NRROS: variants seen among roughly 807,000 people sequenced by gnomAD.
NRROS encodes the protein negative regulator of reactive oxygen species.
In NRROS, 6 loss-of-function variants were observed where a neutral mutation model predicts 12.0. That is an observed-to-expected ratio of 0.50 (90% CI 0.27 to 0.98). The LOEUF (loss-of-function observed/expected upper bound fraction) is 0.98. Among genes scored for constraint, NRROS ranks in the 50% least tolerant of loss-of-function variants. NRROS has a pLI of 0.11. For missense variants in NRROS, 857 were observed against 888.2 expected (o/e 0.96, Z 0.45); for synonymous variants, 462 against 410.2 (o/e 1.13, Z -1.53).
chr3:196,645,799 C>T (rs995903949), intron 1 of NRROS, among the ~76,000 whole-genome samples: 1 of 152,212 alleles, frequency 6.6e-6, no homozygotes, highest in Non-Finnish European at 1.5e-5. Flanking sequence ...CTACCGTGGA[C>T]CCTGGGTGCT....
intron 1 of NRROS, among the ~76,000 whole-genome samples, chr3:196,645,399 C>G (rs1395811157): frequency 6.6e-6 from 1 of 152,170 alleles, no homozygotes; most frequent in African/African-American, 2.4e-5. Context: ...AATTGTGGCT[C>G]TAACATTCTC....
Position 196,654,454 on chromosome 3 carries a change from T to C in NRROS, c.-13-73T>C. The stretch of plus-strand genomic sequence containing the variant: ...ACCACATAGAATTGGAACTGGCTCC[T>C]TCTGCCGATAATACAAACAGCCCTC... On this transcript the variant is annotated intron_variant, in intron 1 of 2. Coordinates refer to ENST00000328557, the MANE Select transcript of NRROS (RefSeq NM_198565.3). The surrounding 1 kb of genome is among the most constrained non-coding windows in gnomAD (Gnocchi z 4.4). 1 of 895,724 alleles carries C rather than the reference T, an allele frequency of 1.1e-6. No homozygotes were observed. The highest frequency in any genetic ancestry group is 2.4e-5 in the East Asian group (1 of 41,728). The allele number at this position is 895,724 out of a possible 1,614,324, so 55.5% of individuals were successfully genotyped here.
chr3:196,654,624 G>C lies in NRROS; in HGVS notation c.85G>C (p.Ala29Pro), dbSNP rs1316523953. Residue 29 changes from alanine (A) to proline (P), a missense_variant, in exon 2 of 3, where the codon GCC (alanine) becomes CCC (proline). Transcript: ENST00000328557. This position sits in a 1 kb window ranked among gnomAD's most constrained non-coding sequence, Gnocchi z 4.4. The part of the protein sequence containing the change: ...WRNRSGTATA[A>P]SQGVCKLVGG... ...GAACAGAAGCGGAACAGCCACAGCA[G>C]CCTCCCAAGGAGTCTGCAAGTTGGT... The C allele has an allele frequency of 6.2e-6, 10 of 1,613,250 alleles. No individual in the cohort carries two copies. Among genetic ancestry groups the C allele is most frequent in the Non-Finnish European group, 8.5e-6 (10 of 1,179,236 alleles).
In NRROS at chr3:196,654,228, G is replaced by A. The variant is rs1199155969; in HGVS notation, c.-13-299G>A. On this transcript the variant is annotated intron_variant, in intron 1 of 2. Coordinates refer to ENST00000328557, the MANE Select transcript of NRROS (RefSeq NM_198565.3). This position sits in a 1 kb window ranked among gnomAD's most constrained non-coding sequence, Gnocchi z 4.4. Reference sequence around the variant, plus strand: ...GAAACTCCAGGTGACTGGAGGCCTGGTTACTCAAGCTTTTTGCTTCTCCCT... The same window carrying A: ...GAAACTCCAGGTGACTGGAGGCCTGATTACTCAAGCTTTTTGCTTCTCCCT... Among the ~76,000 whole-genome samples the A allele has an allele frequency of 6.6e-6, 1 of 152,204 alleles. No homozygotes were observed. The highest frequency in any genetic ancestry group is 2.4e-5 in the African/African-American group (1 of 41,458).
At chr3:196,655,603 G>A (rs768266743) in intron 2 of NRROS, among the ~76,000 whole-genome samples, 16 of 152,254 alleles carry the variant, frequency 1.1e-4, no homozygotes, top group South Asian at 4.2e-4. Flanking sequence ...GAGAATCTCC[G>A]GGTGAGGTGC....
At chr3:196,644,434 A>T (rs1737267390) in intron 1 of NRROS, among the ~76,000 whole-genome samples, 1 of 151,840 alleles carries the variant, frequency 6.6e-6, no homozygotes, top group Non-Finnish European at 1.5e-5. Flanking sequence ...CTTGATATGC[A>T]TTCTGAAATA....
chr3:196,650,631 G>A (rs1436994478), intron 1 of NRROS, among the ~76,000 whole-genome samples: 5 of 152,214 alleles, frequency 3.3e-5, no homozygotes, highest in Admixed American at 6.5e-5. Context: ...GCGGCTGTAC[G>A]TTCTTCTTCC....
Position 196,660,366 on chromosome 3 carries a change from C to A in NRROS, c.723C>A (p.Phe241Leu). The change falls in exon 3 of 3, where the codon TTC becomes TTA. Residue 241 changes from phenylalanine to leucine, a missense_variant. Transcript: ENST00000328557. The surrounding 1 kb of genome is among the most constrained non-coding windows in gnomAD (Gnocchi z 7.7). ...LNVSYNVLEW[F>L]LATGGEAAFE... The stretch of plus-strand genomic sequence containing the variant: ...TCAGCTACAACGTCCTGGAGTGGTT[C>A]CTCGCGACCGGGGGAGAGGCTGCCT... 6.2e-7 allele frequency: 1 copy of A among 1,614,064 alleles called. No homozygotes were observed. The highest frequency in any genetic ancestry group is 1.1e-5 in the South Asian group (1 of 91,086).
intron 2 of NRROS, among the ~76,000 whole-genome samples, chr3:196,657,295 G>C (rs987324475): frequency 1.3e-5 from 2 of 152,056 alleles, no homozygotes; most frequent in African/African-American, 4.8e-5. Flanking sequence ...GGGCCACAGG[G>C]AATTGCAGAG....
rs751042850 is a variant in NRROS, at chr3:196,642,902, A to G, written c.-14+3027A>G. Among the ~76,000 whole-genome samples, 99 of 151,986 alleles carry G rather than the reference A, an allele frequency of 6.5e-4. 1 individual carries two copies. Among genetic ancestry groups the G allele is most frequent in the Non-Finnish European group, 1.1e-3 (75 of 67,944 alleles). On this transcript the variant is annotated intron_variant, in intron 1 of 2. Transcript: ENST00000328557. Reference sequence around the variant, plus strand: ...CTGGCCAAAATGGTGAAACCCCGTCACTACTAAAAATACAAAAATTAGCTG... The same window carrying G: ...CTGGCCAAAATGGTGAAACCCCGTCGCTACTAAAAATACAAAAATTAGCTG...
intron 1 of NRROS, among the ~76,000 whole-genome samples, chr3:196,642,799 C>T (rs896989933): frequency 1.3e-5 from 2 of 152,106 alleles, no homozygotes; most frequent in Non-Finnish European, 1.5e-5. Context: ...CGGCCGGGCG[C>T]GGTGGCTCAT....
intron 2 of NRROS, among the ~76,000 whole-genome samples, chr3:196,657,576 G>A (rs1737565776): frequency 6.6e-6 from 1 of 152,014 alleles, no homozygotes; most frequent in Non-Finnish European, 1.5e-5. Flanking sequence ...GTGTGGTGGT[G>A]TGAGTCTGTA....
At position 196,654,764 on chromosome 3, in the gene NRROS, ACT is replaced by A; in HGVS notation, c.108+120_108+121del. ...GGCAGAGAATGAAGGAGCCTGCATC[ACT>A]CTGTGCCTGCCTAGCACAGGGGCAT... On this transcript the variant is annotated intron_variant, in intron 2 of 2. Transcript: ENST00000328557. This position sits in a 1 kb window ranked among gnomAD's most constrained non-coding sequence, Gnocchi z 4.4. The A allele has an allele frequency of 1.5e-6, 1 of 651,958 alleles. No homozygotes were observed. The highest frequency in any genetic ancestry group is 2.7e-6 in the Non-Finnish European group (1 of 374,194). The allele number at this position is 651,958 out of a possible 1,614,324, so 40.4% of individuals were successfully genotyped here. A position where few individuals can be genotyped will look rare whatever the true frequency, so the allele number is the denominator to read the frequency against.
At position 196,654,477 on chromosome 3, in the gene NRROS, C is replaced by G; in HGVS notation, c.-13-50C>G. The G allele has an allele frequency of 1.8e-6, 2 of 1,083,944 alleles. No individual in the cohort carries two copies. Among genetic ancestry groups the G allele is most frequent in the South Asian group, 2.5e-5 (2 of 80,358 alleles). 67.1% of individuals were successfully genotyped at this position (1,083,944 alleles called of 1,614,324 possible). A position where few individuals can be genotyped will look rare whatever the true frequency, so the allele number is the denominator to read the frequency against. Reference sequence around the variant, plus strand: ...CCTTCTGCCGATAATACAAACAGCCCTCTGGGATGTCCTTCTCTGACTTAC... The same window carrying G: ...CCTTCTGCCGATAATACAAACAGCCGTCTGGGATGTCCTTCTCTGACTTAC... On this transcript the variant is annotated intron_variant, in intron 1 of 2. Transcript: ENST00000328557. This position sits in a 1 kb window ranked among gnomAD's most constrained non-coding sequence, Gnocchi z 4.4.
chr3:196,656,682 C>T (rs569185236), intron 2 of NRROS, among the ~76,000 whole-genome samples: 19 of 152,256 alleles, frequency 1.2e-4, no homozygotes, highest in Admixed American at 4.6e-4. Context: ...AGTAGTTATT[C>T]AGGGGTTACC....
chr3:196,657,345 C>A (rs925823558), intron 2 of NRROS, among the ~76,000 whole-genome samples: 1 of 152,066 alleles, frequency 6.6e-6, no homozygotes, highest in Non-Finnish European at 1.5e-5. Flanking sequence ...GGAACAGCAC[C>A]CCATAGCGTG....
chr3:196,650,591 T>C (rs1019673919), intron 1 of NRROS, among the ~76,000 whole-genome samples: 1 of 152,244 alleles, frequency 6.6e-6, no homozygotes, highest in Non-Finnish European at 1.5e-5. Context: ...GCAACAAACA[T>C]AATTTCTAAA....
At chr3:196,647,003 GTCAA>G (rs1737326672) in intron 1 of NRROS, among the ~76,000 whole-genome samples, 1 of 152,068 alleles carries the variant, frequency 6.6e-6, no homozygotes, top group South Asian at 2.1e-4. Context: ...GTCTTTCTGC[GTCAA>G]TCAATATATT....
intron 1 of NRROS, among the ~76,000 whole-genome samples, chr3:196,649,762 GC>G (rs1286399901): frequency 2.6e-5 from 4 of 152,190 alleles, no homozygotes; most frequent in Non-Finnish European, 5.9e-5. Flanking sequence ...GAGCCACTGC[GC>G]CCGGCCAAAA....
Sources: gnomAD v4.1 joint callset for allele counts (sites outside exome capture counted in the v4.1 genomes callset) on GRCh38, gnomAD v4.1.1 for gene constraint, Gnocchi (gnomAD v3.1) non-coding constraint, MANE v1.5 for transcripts, NCBI Gene and HGNC (gene_info 2026-07-23, HGNC 2026-07-21) for gene names.